The following KCNE1 variants were observed in gnomAD, a reference collection of about 807,000 sequenced individuals.
The protein encoded by KCNE1 is potassium voltage-gated channel subfamily E regulatory subunit 1.
Under a neutral mutation model 2.9 loss-of-function variants are expected in KCNE1, and 1 was observed. The observed-to-expected ratio is 0.34, with a 90% CI of 0.12 to 1.62. The LOEUF is 1.62. Among genes scored for constraint, KCNE1 ranks in the 40% most tolerant of loss-of-function variants. The probability of loss-of-function intolerance (pLI) is 0.36; values close to 1 mark genes in which losing one functional copy is unlikely to be tolerated. For missense variants in KCNE1, 45 were observed against 150.5 expected, an observed-to-expected ratio of 0.30 and a Z score of 3.67; for synonymous variants, 23 against 65.4, an observed-to-expected ratio of 0.35 and a Z score of 3.13.
intron 1 of KCNE1, among the ~76,000 whole-genome samples, chr21:34,511,744 T>G (rs4817669): frequency 0.011 from 1,694 of 152,344 alleles, 55 homozygotes; most frequent in East Asian, 0.11. Context: ...GGATAGGCAC[T>G]GCCCTGCCCT....
intron 2 of KCNE1, among the ~76,000 whole-genome samples, chr21:34,508,976 AACT>A (rs1453340130): frequency 1.3e-5 from 2 of 152,242 alleles, no homozygotes; most frequent in African/African-American, 4.8e-5. Flanking sequence ...GGTATAAAAC[AACT>A]ACTGTGTATT....
chr21:34,497,407 C>T (rs1982876508), intron 2 of KCNE1, among the ~76,000 whole-genome samples: 1 of 152,118 alleles, frequency 6.6e-6, no homozygotes, highest in South Asian at 2.1e-4. Context: ...ATTTATTTGT[C>T]TGAAAAAGAC....
Position 34,510,224 on chromosome 21 carries a change from A to G in KCNE1, c.-162+877T>C, listed in dbSNP as rs112671103. On this transcript the variant is annotated intron_variant, in intron 2 of 3. Transcript: ENST00000399286. ...TCACAACTTTATTCCCACCAATCCC[A>G]TCCCCTCCAGTCCAGGGGGCACACA... The G allele has an allele frequency of 7.9e-3, 1,205 of 152,490 alleles. 20 individuals carry two copies. Among genetic ancestry groups the G allele is most frequent in the African/African-American group, 0.027 (1,135 of 41,460 alleles). 9.4% of individuals were successfully genotyped at this position (152,490 alleles called of 1,614,324 possible).
At chr21:34,506,241 A>C (rs1385830507) in intron 2 of KCNE1, among the ~76,000 whole-genome samples, 1 of 152,162 alleles carries the variant, frequency 6.6e-6, no homozygotes, top group East Asian at 1.9e-4. Context: ...AGCTTTTGGA[A>C]AATTGCTGGG....
intron 2 of KCNE1, among the ~76,000 whole-genome samples, chr21:34,498,346 A>G (rs1982933510): frequency 1.3e-5 from 2 of 152,348 alleles, no homozygotes; most frequent in South Asian, 4.1e-4. Flanking sequence ...CAATGGAAAG[A>G]TCTGGAACTC....
At chr21:34,505,415 G>A (rs1013203548) in intron 2 of KCNE1, among the ~76,000 whole-genome samples, 4 of 151,664 alleles carry the variant, frequency 2.6e-5, no homozygotes, top group Admixed American at 6.6e-5. Flanking sequence ...GATTACAGGC[G>A]CGAGCCACCA....
chr21:34,499,854 G>A (rs566378591), intron 2 of KCNE1, among the ~76,000 whole-genome samples: 1 of 152,308 alleles, frequency 6.6e-6, no homozygotes, highest in African/African-American at 2.4e-5. Flanking sequence ...GTACGTTCCT[G>A]TGGTCGTTCT....
intron 2 of KCNE1, chr21:34,509,764 C>T (rs1406132598): frequency 6.6e-6 from 1 of 152,184 alleles, no homozygotes; most frequent in Non-Finnish European, 1.5e-5. Context: ...GCCCCTTTTT[C>T]AACTTTTATT....
chr21:34,453,018 ATTGT>A lies in KCNE1; in HGVS notation c.-50-3338_-50-3335del, dbSNP rs1178517561. Among the ~76,000 whole-genome samples, 6 of 49,934 alleles carry A rather than the reference ATTGT, an allele frequency of 1.2e-4. 2 individuals carry two copies. Among genetic ancestry groups the A allele is most frequent in the Admixed American group, 2.3e-4 (1 of 4,294 alleles). The allele number at this position is 49,934 out of a possible 152,430, so 32.8% of individuals were successfully genotyped here. A position where few individuals can be genotyped will look rare whatever the true frequency, so the allele number is the denominator to read the frequency against. ...GATCAGACATGAATGAGAATCAAAG[ATTGT>A]TTGTGGCCTTTCCTGGTTTCTAGGC... On this transcript the variant is annotated intron_variant, in intron 3 of 3. Coordinates refer to ENST00000399286, the MANE Select transcript of KCNE1 (RefSeq NM_000219.6).
rs2834502 is a variant in KCNE1, at chr21:34,511,191, C to T, written c.-252G>A. 0.23 allele frequency: 224,818 copies of T among 985,406 alleles called. 27,164 individuals carry two copies. Among genetic ancestry groups the T allele is most frequent in the East Asian group, 0.51 (4,519 of 8,808 alleles). 61.0% of individuals were successfully genotyped at this position (985,406 alleles called of 1,614,324 possible). On this transcript the variant is annotated 5_prime_UTR_variant, in exon 2 of 4. Transcript: ENST00000399286. ...TCTCTTCAGGTGGTCTTAGGAACTT[C>T]TCAGAACTTTTTGAGTTATCCTTCT... is the stretch of plus-strand genomic sequence containing the variant.
At chr21:34,505,920 T>G (rs1396442414) in intron 2 of KCNE1, among the ~76,000 whole-genome samples, 4 of 152,234 alleles carry the variant, frequency 2.6e-5, no homozygotes, top group African/African-American at 9.6e-5. Context: ...TCATTGCAAC[T>G]TATATGACAC....
chr21:34,508,342 TTTTA>T (rs1369086975), intron 2 of KCNE1, among the ~76,000 whole-genome samples: 2 of 151,816 alleles, frequency 1.3e-5, no homozygotes, highest in African/African-American at 2.4e-5. Context: ...TTATATTTTA[TTTTA>T]TTTATTTATT....
rs1056392993 is a variant in KCNE1, at chr21:34,498,150, G to C, written c.-162+12951C>G. The stretch of plus-strand genomic sequence containing the variant: ...CCTTTTTCTGGTATCTCCTTGAGTA[G>C]CTTAATAACCAACCTTCTGAATTCT... On this transcript the variant is annotated intron_variant, in intron 2 of 3. Coordinates refer to ENST00000399286, the MANE Select transcript of KCNE1 (RefSeq NM_000219.6). Among the ~76,000 whole-genome samples the C allele has an allele frequency of 3.9e-5, 6 of 152,056 alleles. No individual in the cohort carries two copies. The East Asian group carries it at 1.2e-3, about 29-fold the overall frequency.
intron 2 of KCNE1, among the ~76,000 whole-genome samples, chr21:34,497,259 G>A (rs1433368229): frequency 6.6e-6 from 1 of 151,898 alleles, no homozygotes; most frequent in East Asian, 1.9e-4. Flanking sequence ...TTTTCTATTT[G>A]TATTGTTTTA....
intron 2 of KCNE1, among the ~76,000 whole-genome samples, chr21:34,495,774 C>T (rs1245150798): frequency 6.6e-6 from 1 of 152,062 alleles, no homozygotes; most frequent in Non-Finnish European, 1.5e-5. Context: ...CTCTCCTTTT[C>T]TTGGTTAATC....
At chr21:34,499,953 G>T (rs1203319066) in intron 2 of KCNE1, among the ~76,000 whole-genome samples, 1 of 152,156 alleles carries the variant, frequency 6.6e-6, no homozygotes, top group Non-Finnish European at 1.5e-5. Flanking sequence ...TCTCCTATCT[G>T]TCATCTTCCT....
intron 2 of KCNE1, 103 bp downstream of exon 2, chr21:34,510,998 A>G (rs971401255): frequency 3.4e-6 from 1 of 290,774 alleles, no homozygotes. Context: ...GCACCTGTCA[A>G]TGGATGAGCG....
chr21:34,504,188 C>T (rs148222522), intron 2 of KCNE1, among the ~76,000 whole-genome samples: 2 of 151,502 alleles, frequency 1.3e-5, no homozygotes, highest in African/African-American at 2.4e-5. Context: ...ACTTTGGACT[C>T]GGGTGTGTGT....
chr21:34,501,751 C>T (rs1203539090), intron 2 of KCNE1, among the ~76,000 whole-genome samples: 2 of 152,186 alleles, frequency 1.3e-5, no homozygotes, highest in African/African-American at 4.8e-5. Context: ...CAGAAACAAG[C>T]CCAGACACAA....
Sources: allele counts gnomAD v4.1 joint callset (sites outside exome capture counted in the v4.1 genomes callset), GRCh38; gene constraint gnomAD v4.1.1; transcripts MANE v1.5; gene names NCBI Gene and HGNC (gene_info 2026-07-23, HGNC 2026-07-21).